Variants in SCARA3 observed in about 807,000 individuals in gnomAD.
SCARA3 encodes cellular stress response gene protein.
In SCARA3, 39 loss-of-function variants were observed where a neutral mutation model predicts 47.0. The ratio of observed to expected loss-of-function variants is 0.83; its 90% CI spans 0.64 to 1.08. SCARA3 has a LOEUF of 1.08. SCARA3 is among the 50% of genes least tolerant of loss of function. SCARA3 has a pLI of 0.00. For missense variants in SCARA3, 724 were observed against 792.3 expected (o/e 0.91, Z 1.04); for synonymous variants, 356 against 334.1 (o/e 1.07, Z -0.71).
chr8:27,678,273 A>G (rs1585304361), downstream of SCARA3, among the ~76,000 whole-genome samples: 1 of 152,190 alleles, frequency 6.6e-6, no homozygotes, highest in African/African-American at 2.4e-5. Context: ...GGGATCAACA[A>G]ATGAGTAAGT....
chr8:27,678,503 C>T (rs2128925509), downstream of SCARA3, among the ~76,000 whole-genome samples: 1 of 152,290 alleles, frequency 6.6e-6, no homozygotes, highest in East Asian at 1.9e-4. Flanking sequence ...AGCTCCATTG[C>T]TATTAATATA....
intron 5 of SCARA3, among the ~76,000 whole-genome samples, chr8:27,669,525 G>A (rs1802097948): frequency 1.3e-5 from 2 of 152,250 alleles, no homozygotes; most frequent in South Asian, 4.1e-4. Context: ...GGCATCTCCT[G>A]CCTCCCGGCT....
rs35498729 is a variant in SCARA3 at position 27,653,727 on chromosome 8, GT to G, written c.226+2109del. On this transcript the variant is annotated intron_variant, in intron 3 of 5. Transcript: ENST00000301904. ...AACCAACTCTATTCATTTTAATCAA[GT>G]TTTTTTTTCTAAATCAAGAGCATAC... Among the ~76,000 whole-genome samples the G allele has an allele frequency of 2.7e-3, 412 of 151,148 alleles. 2 individuals carry two copies. The highest frequency in any genetic ancestry group is 9.7e-3 in the African/African-American group (399 of 41,166).
chr8:27,677,956 A>AT (rs1802303253), downstream of SCARA3, among the ~76,000 whole-genome samples: 1 of 152,252 alleles, frequency 6.6e-6, no homozygotes, highest in Non-Finnish European at 1.5e-5. Flanking sequence ...CATGAGTCAA[A>AT]TAAAAAAATC....
chr8:27,700,744 G>C, the SCARA3 span, among the ~76,000 whole-genome samples: 26 of 152,280 alleles, frequency 1.7e-4, no homozygotes, highest in Non-Finnish European at 3.4e-4. Flanking sequence ...ACCACTCTGA[G>C]ATACCACTAG....
Position 27,672,844 on chromosome 8 carries a change from A to G in SCARA3, c.*1493A>G, listed in dbSNP as rs769395507. The G allele has an allele frequency of 1.2e-4, 122 of 985,488 alleles. No homozygotes were observed. The highest frequency in any genetic ancestry group is 1.4e-4 in the Non-Finnish European group (119 of 830,076). The allele number at this position is 985,488 out of a possible 1,614,324, so 61.0% of individuals were successfully genotyped here. A position where few individuals can be genotyped will look rare whatever the true frequency, so the allele number is the denominator to read the frequency against. On this transcript the variant is annotated 3_prime_UTR_variant, in exon 6 of 6. Coordinates refer to ENST00000301904, the MANE Select transcript of SCARA3 (RefSeq NM_016240.3). ...AGGGCATAGAGTTGTCTCCTTCCCA[A>G]CACGGACCCAGAGAGCAGCCCTTCC... is the stretch of plus-strand genomic sequence containing the variant.
the SCARA3 span, among the ~76,000 whole-genome samples, chr8:27,716,580 C>T: frequency 6.6e-6 from 1 of 151,998 alleles, no homozygotes; most frequent in South Asian, 2.1e-4. Context: ...AAGAAACAAG[C>T]AAATACATGG....
At chr8:27,675,867 T>G (rs1467085811), downstream of SCARA3, among the ~76,000 whole-genome samples, 17 of 66,626 alleles carry the variant, frequency 2.6e-4, no homozygotes, top group South Asian at 5.5e-4. Flanking sequence ...AGGGACGCGG[T>G]GGGATGGGAG....
chr8:27,730,395 C>A, the SCARA3 span, among the ~76,000 whole-genome samples: 1 of 152,150 alleles, frequency 6.6e-6, no homozygotes, highest in Admixed American at 6.5e-5. Flanking sequence ...GCCCCTCCCC[C>A]TTCCCTGTAG....
In SCARA3 at chr8:27,671,562, A is replaced by ACATG; in HGVS notation, c.*218_*221dup. On this transcript the variant is annotated 3_prime_UTR_variant, in exon 6 of 6. Transcript: ENST00000301904. ...CACACATACATGTGCACATGCACACACATGCATGCACACACATGCACACAT... is the reference window on the plus strand; with the variant it reads ...CACACATACATGTGCACATGCACACACATGCATGCATGCACACACATGCACACAT... The ACATG allele has an allele frequency of 7.9e-7, 1 of 1,270,988 alleles. No homozygotes were observed. The highest frequency in any genetic ancestry group is 9.9e-7 in the Non-Finnish European group (1 of 1,011,552). The allele number at this position is 1,270,988 out of a possible 1,614,324, so 78.7% of individuals were successfully genotyped here.
chr8:27,721,754 A>G, the SCARA3 span, among the ~76,000 whole-genome samples: 2 of 152,178 alleles, frequency 1.3e-5, no homozygotes, highest in Non-Finnish European at 1.5e-5. Context: ...CAGTAATCAA[A>G]GTGCACTTCC....
At chr8:27,732,883 A>T in the SCARA3 span, among the ~76,000 whole-genome samples, 1 of 152,206 alleles carries the variant, frequency 6.6e-6, no homozygotes, top group Admixed American at 6.5e-5. Context: ...GCATTCTCAC[A>T]ATAGTGTAAA....
chr8:27,710,380 A>T, the SCARA3 span, among the ~76,000 whole-genome samples: 1 of 152,222 alleles, frequency 6.6e-6, no homozygotes. Flanking sequence ...ATACATTCGC[A>T]TATTATTTTA....
intron 2 of SCARA3, among the ~76,000 whole-genome samples, chr8:27,650,002 T>C (rs1801598186): frequency 6.6e-6 from 1 of 152,168 alleles, no homozygotes. Context: ...TTTAATGTTT[T>C]TTTTTCTTAA....
At chr8:27,673,347 T>C (rs1802211274), downstream of SCARA3, among the ~76,000 whole-genome samples, 2 of 152,240 alleles carry the variant, frequency 1.3e-5, no homozygotes, top group African/African-American at 4.8e-5. Context: ...TTCTGGCTTT[T>C]GTCTCCAAGA....
At chr8:27,705,064 G>A in the SCARA3 span, among the ~76,000 whole-genome samples, 5 of 152,280 alleles carry the variant, frequency 3.3e-5, no homozygotes, top group South Asian at 1.0e-3. Flanking sequence ...CATTAAGGGA[G>A]CAATCAGCGA....
chr8:27,703,844 C>CTTTTTTTTTTTTTTTTTTTTTTTTT, the SCARA3 span: 1 of 54,524 alleles, frequency 1.8e-5, no homozygotes, highest in African/African-American at 6.6e-5. Flanking sequence ...GTGCTTTCTA[C>CTTTTTTTTTTTTTTTTTTTTTTTTT]TTTTTTTTTT....
intron 5 of SCARA3, among the ~76,000 whole-genome samples, chr8:27,669,687 G>A (rs1201931637): frequency 5.3e-5 from 8 of 152,264 alleles, no homozygotes; most frequent in African/African-American, 1.7e-4. Context: ...GGTGGTGGCA[G>A]GGAACCGACT....
chr8:27,683,450 G>C, the SCARA3 span, among the ~76,000 whole-genome samples: 1 of 152,002 alleles, frequency 6.6e-6, no homozygotes, highest in Non-Finnish European at 1.5e-5. Context: ...ATACATTATA[G>C]AATCATAAAA....
Sources: gnomAD v4.1 joint callset for allele counts (sites outside exome capture counted in the v4.1 genomes callset) on GRCh38, gnomAD v4.1.1 for gene constraint, MANE v1.5 for transcripts, NCBI Gene and HGNC (gene_info 2026-07-23, HGNC 2026-07-21) for gene names.